The following PCDHGA12 variants were observed in gnomAD, a reference collection of about 807,000 sequenced individuals.
PCDHGA12 encodes protocadherin gamma-A12.
Under a neutral mutation model 61.1 loss-of-function variants are expected in PCDHGA12, and 43 were observed. The observed-to-expected ratio is 0.70, with a 90% CI of 0.55 to 0.91. The LOEUF (loss-of-function observed/expected upper bound fraction) is 0.91. Ranked by LOEUF, PCDHGA12 falls within the 40% of genes least tolerant of loss-of-function variation. The pLI is 0.00. For missense variants in PCDHGA12, 1,236 were observed against 1,227.7 expected (o/e 1.01, Z -0.10); for synonymous variants, 520 against 542.9 (o/e 0.96, Z 0.59).
At chr5:141,468,837 G>T in intron 1 of PCDHGA12, among the ~76,000 whole-genome samples, 1 of 152,108 alleles carries the variant, frequency 6.6e-6, no homozygotes, top group South Asian at 2.1e-4. Flanking sequence ...CTGCACTCCA[G>T]CCTGGGCAAC....
At position 141,476,172 on chromosome 5, in the gene PCDHGA12, T is replaced by C; in HGVS notation, c.2425-18635T>C. 6.2e-7 allele frequency: 1 copy of C among 1,612,930 alleles called. No individual in the cohort carries two copies. The highest frequency in any genetic ancestry group is 1.1e-5 in the South Asian group (1 of 91,026). On this transcript the variant is annotated intron_variant, in intron 1 of 3. Coordinates refer to ENST00000252085, the MANE Select transcript of PCDHGA12 (RefSeq NM_003735.3). This position sits in a 1 kb window ranked among gnomAD's most constrained non-coding sequence, Gnocchi z 7.6. ...GTAAGCACCGGGAGGGTAGTGGGAG[T>C]TTTGCTTCTGCTTGGTGCCTTGAAC...
At chr5:141,496,285 A>G (rs1003747820) in intron 2 of PCDHGA12, among the ~76,000 whole-genome samples, 1 of 152,210 alleles carries the variant, frequency 6.6e-6, no homozygotes, top group Non-Finnish European at 1.5e-5. Flanking sequence ...AGTTGGTCTG[A>G]GCAGAGTGGG....
chr5:141,485,737 C>T lies in PCDHGA12; in HGVS notation c.2425-9070C>T. On this transcript the variant is annotated intron_variant, in intron 1 of 3. Coordinates refer to ENST00000252085, the MANE Select transcript of PCDHGA12 (RefSeq NM_003735.3). The surrounding 1 kb of genome is among the most constrained non-coding windows in gnomAD (Gnocchi z 5.7). ...TGGATGTGAAGAAGCGCAGCGACGGCAGCCTGGTCCCAGAGCTGCTCCTGG... is the reference window on the plus strand; with the variant it reads ...TGGATGTGAAGAAGCGCAGCGACGGTAGCCTGGTCCCAGAGCTGCTCCTGG... 6.2e-7 allele frequency: 1 copy of T among 1,614,222 alleles called. No individual in the cohort carries two copies. Among genetic ancestry groups the T allele is most frequent in the Non-Finnish European group, 8.5e-7 (1 of 1,180,036 alleles).
Position 141,476,708 on chromosome 5 carries a change from T to C in PCDHGA12, c.2425-18099T>C, listed in dbSNP as rs1205987380. The C allele has an allele frequency of 1.2e-6, 2 of 1,614,150 alleles. No homozygotes were observed. The highest frequency in any genetic ancestry group is 8.5e-7 in the Non-Finnish European group (1 of 1,180,024). ...CAGCACCAAGTACGCGGAGCTGGTG[T>C]TGGAGCGCGCCCTGGACCGAGAACG... On this transcript the variant is annotated intron_variant, in intron 1 of 3. Coordinates refer to ENST00000252085, the MANE Select transcript of PCDHGA12 (RefSeq NM_003735.3). The surrounding 1 kb of genome is among the most constrained non-coding windows in gnomAD (Gnocchi z 7.6).
chr5:141,458,694 C>T (rs905547768), intron 1 of PCDHGA12, among the ~76,000 whole-genome samples: 3 of 152,018 alleles, frequency 2.0e-5, no homozygotes, highest in Non-Finnish European at 2.9e-5. Flanking sequence ...CTCAGCCTCC[C>T]GAGTAGCTGG....
intron 1 of PCDHGA12, among the ~76,000 whole-genome samples, chr5:141,473,910 A>G (rs1165685707): frequency 6.6e-6 from 1 of 152,168 alleles, no homozygotes; most frequent in Non-Finnish European, 1.5e-5. Flanking sequence ...AAGAGGTCTT[A>G]AGAAAACTAT....
rs140056243 is a variant in PCDHGA12 at position 141,487,386 on chromosome 5, G to A, written c.2425-7421G>A. 21 of 1,614,046 alleles carry A rather than the reference G, an allele frequency of 1.3e-5. No individual in the cohort carries two copies. The highest frequency in any genetic ancestry group is 4.0e-5 in the African/African-American group (3 of 74,920). On this transcript the variant is annotated intron_variant, in intron 1 of 3. Coordinates refer to ENST00000252085, the MANE Select transcript of PCDHGA12 (RefSeq NM_003735.3). The surrounding 1 kb of genome is among the most constrained non-coding windows in gnomAD (Gnocchi z 5.0). Reference sequence around the variant, plus strand: ...ACCTGTGCCTGTCTCACCAGATCTCGAAGGAGGGAGGGGCTTCCCCCTTCC... The same window carrying A: ...ACCTGTGCCTGTCTCACCAGATCTCAAAGGAGGGAGGGGCTTCCCCCTTCC...
At chr5:141,470,182 G>A (rs540599468) in intron 1 of PCDHGA12, among the ~76,000 whole-genome samples, 1 of 152,262 alleles carries the variant, frequency 6.6e-6, no homozygotes, top group Non-Finnish European at 1.5e-5. Context: ...AAATATTCAA[G>A]TAAACTTCAG....
chr5:141,498,284 G>A (rs1339639509), intron 2 of PCDHGA12, among the ~76,000 whole-genome samples: 1 of 152,004 alleles, frequency 6.6e-6, no homozygotes, highest in Non-Finnish European at 1.5e-5. Flanking sequence ...CTTGGTTCAA[G>A]ATCAAGCCAG....
Position 141,491,826 on chromosome 5 carries a change from C to A in PCDHGA12, c.2425-2981C>A. 1 of 1,477,526 alleles carries A rather than the reference C, an allele frequency of 6.8e-7. No homozygotes were observed. The highest frequency in any genetic ancestry group is 9.0e-7 in the Non-Finnish European group (1 of 1,114,486). The allele number at this position is 1,477,526 out of a possible 1,614,324, so 91.5% of individuals were successfully genotyped here. A position where few individuals can be genotyped will look rare whatever the true frequency, so the allele number is the denominator to read the frequency against. ...GGCTTGGTCGCTGGCTGCGCTCCAC[C>A]CGATTCTCGGGATCATTGGACCGTT... On this transcript the variant is annotated intron_variant, in intron 1 of 3. Transcript: ENST00000252085. The surrounding 1 kb of genome is among the most constrained non-coding windows in gnomAD (Gnocchi z 6.9).
At chr5:141,450,445 T>C (rs1490338949) in intron 1 of PCDHGA12, among the ~76,000 whole-genome samples, 1 of 152,168 alleles carries the variant, frequency 6.6e-6, no homozygotes, top group East Asian at 1.9e-4. Context: ...ATTTGTTTTA[T>C]GTTTCCTCGT....
rs776657082 is a variant in PCDHGA12, at chr5:141,432,778, G to A, written c.2019G>A (p.Ala673=). The change falls in exon 1 of 4, where the codon GCG becomes GCA. Residue 673 remains alanine, a synonymous_variant. Coordinates refer to ENST00000252085, the MANE Select transcript of PCDHGA12 (RefSeq NM_003735.3). The surrounding 1 kb of genome is among the most constrained non-coding windows in gnomAD (Gnocchi z 6.0). The part of the protein sequence containing the change: ...AVADSIPQVL[A]DLGSLESPAN... ...CCGACAGCATCCCCCAAGTCCTGGC[G>A]GACCTCGGCAGCCTCGAGTCTCCAG... 6.2e-7 allele frequency: 1 copy of A among 1,614,166 alleles called. No homozygotes were observed. Among genetic ancestry groups the A allele is most frequent in the Non-Finnish European group, 8.5e-7 (1 of 1,180,002 alleles).
chr5:141,489,991 A>G lies in PCDHGA12; in HGVS notation c.2425-4816A>G, dbSNP rs1157441385. On this transcript the variant is annotated intron_variant, in intron 1 of 3. Coordinates refer to ENST00000252085, the MANE Select transcript of PCDHGA12 (RefSeq NM_003735.3). The surrounding 1 kb of genome is among the most constrained non-coding windows in gnomAD (Gnocchi z 4.5). Reference sequence around the variant, plus strand: ...CCAATCCTCAGTTCTACGTGTGGGAATCCCAGAGAATGCACCCATTGGTAC... The same window carrying G: ...CCAATCCTCAGTTCTACGTGTGGGAGTCCCAGAGAATGCACCCATTGGTAC... The G allele has an allele frequency of 6.2e-7, 1 of 1,614,228 alleles. No individual in the cohort carries two copies. Among genetic ancestry groups the G allele is most frequent in the South Asian group, 1.1e-5 (1 of 91,090 alleles).
At chr5:141,496,178 C>T (rs1481326898) in intron 2 of PCDHGA12, among the ~76,000 whole-genome samples, 2 of 152,080 alleles carry the variant, frequency 1.3e-5, no homozygotes, top group Admixed American at 1.3e-4. Flanking sequence ...CCCATCCAAG[C>T]AGCCCCAGCT....
rs2099710385 is a variant in PCDHGA12 at position 141,491,296 on chromosome 5, G to A, written c.2425-3511G>A. 6.2e-7 allele frequency: 1 copy of A among 1,614,034 alleles called. No individual in the cohort carries two copies. Among genetic ancestry groups the A allele is most frequent in the African/African-American group, 1.3e-5 (1 of 74,924 alleles). Reference sequence around the variant, plus strand: ...CAGTGACTTCCTCATACACCCTCCTGAGCGTTCAGACCTTACCCTTTACCT... The same window carrying A: ...CAGTGACTTCCTCATACACCCTCCTAAGCGTTCAGACCTTACCCTTTACCT... On this transcript the variant is annotated intron_variant, in intron 1 of 3. Transcript: ENST00000252085. The surrounding 1 kb of genome is among the most constrained non-coding windows in gnomAD (Gnocchi z 6.9).
intron 2 of PCDHGA12, among the ~76,000 whole-genome samples, chr5:141,500,184 T>TTTTTTTTATTTATTTA (rs1554186429): frequency 7.4e-6 from 1 of 135,886 alleles, no homozygotes; most frequent in African/African-American, 2.7e-5. Flanking sequence ...TCATTTTTAT[T>TTTTTTTTATTTATTTA]TTTATTTATT....
rs765096486 is a variant in PCDHGA12 at position 141,430,826 on chromosome 5, CT to C, written c.68del (p.Leu23ArgfsTer55). The C allele has an allele frequency of 1.3e-6, 2 of 1,550,416 alleles. No homozygotes were observed. Among genetic ancestry groups the C allele is most frequent in the East Asian group, 2.2e-5 (1 of 44,476 alleles). On this transcript the variant is annotated frameshift_variant, in exon 1 of 4. Transcript: ENST00000252085. LOFTEE classifies it high-confidence loss of function. Reference sequence around the variant, plus strand: ...CCTGCTGGGAATCCTCCTGGGGACTCTGTGGGAGACCGGATGCACCCAGATA... The same window carrying C: ...CCTGCTGGGAATCCTCCTGGGGACTCGTGGGAGACCGGATGCACCCAGATA... Reference protein sequence around the residue: ...LVLLGILLGTLWETGCTQIRY... With the variant: ...LVLLGILLGTXWETGCTQIRY...
intron 1 of PCDHGA12, among the ~76,000 whole-genome samples, chr5:141,474,061 T>A (rs2099339173): frequency 1.3e-5 from 2 of 152,058 alleles, no homozygotes; most frequent in Admixed American, 6.6e-5. Flanking sequence ...CAGAGCGAGA[T>A]CCTGCCTCAG....
chr5:141,480,453 A>G (rs1033797238), intron 1 of PCDHGA12, among the ~76,000 whole-genome samples: 1 of 152,182 alleles, frequency 6.6e-6, no homozygotes, highest in African/African-American at 2.4e-5. Context: ...AATTATTTTT[A>G]TTAGTTCCTC....
Sources: gnomAD v4.1 joint callset for allele counts (sites outside exome capture counted in the v4.1 genomes callset) on GRCh38, gnomAD v4.1.1 for gene constraint, Gnocchi (gnomAD v3.1) non-coding constraint, MANE v1.5 for transcripts, NCBI Gene and HGNC (gene_info 2026-07-23, HGNC 2026-07-21) for gene names.